CCDC192: variants seen among roughly 807,000 people sequenced by gnomAD.
The protein encoded by CCDC192 is coiled-coil domain containing 192, also known as coiled-coil domain-containing protein 192.
Position 127,801,106 on chromosome 5 carries a change from G to A in CCDC192, c.411+2944G>A, listed in dbSNP as rs984335885. The stretch of plus-strand genomic sequence containing the variant: ...GCAGAAAACCAAACAGAGCAAAAGT[G>A]TAACACTCACAGGGTGAGTGTGATC... On this transcript the variant is annotated intron_variant, in intron 5 of 6. Transcript: ENST00000514853. 4.6e-5 allele frequency among the ~76,000 whole-genome samples: 7 copies of A among 152,096 alleles called. 1 individual carries two copies. The highest frequency in any genetic ancestry group is 1.4e-4 in the African/African-American group (6 of 41,416).
chr5:127,704,871 AAATAAATAAATAAATC>A (rs1450747379), intron 1 of CCDC192, among the ~76,000 whole-genome samples: 16 of 118,198 alleles, frequency 1.4e-4, no homozygotes, highest in South Asian at 5.4e-4. Context: ...ATAAATAAAT[AAATAAATAAATAAATC>A]ATTTATTCAC....
chr5:127,890,081 G>A (rs988458670), intron 6 of CCDC192, among the ~76,000 whole-genome samples: 7 of 152,000 alleles, frequency 4.6e-5, no homozygotes, highest in Non-Finnish European at 5.9e-5. Flanking sequence ...TCACAGATGC[G>A]AAGATCTCTT....
chr5:127,848,173 T>C (rs1750647190), intron 5 of CCDC192, among the ~76,000 whole-genome samples: 7 of 152,154 alleles, frequency 4.6e-5, no homozygotes, highest in Admixed American at 4.6e-4. Context: ...GGTTCTCTCT[T>C]ATGGTTGCAG....
At chr5:127,735,352 C>G (rs1752911479) in intron 2 of CCDC192, among the ~76,000 whole-genome samples, 1 of 147,394 alleles carries the variant, frequency 6.8e-6, no homozygotes, top group Admixed American at 6.7e-5. Context: ...AGTTTGAAGT[C>G]AGGTAGTGTG....
chr5:127,883,665 C>A (rs1480044778), intron 6 of CCDC192, among the ~76,000 whole-genome samples: 1 of 152,196 alleles, frequency 6.6e-6, no homozygotes, highest in Non-Finnish European at 1.5e-5. Context: ...AGATTTATTG[C>A]ACAGAAGATC....
intron 2 of CCDC192, among the ~76,000 whole-genome samples, chr5:127,728,065 T>C (rs558298456): frequency 6.6e-6 from 1 of 152,160 alleles, no homozygotes; most frequent in African/African-American, 2.4e-5. Context: ...AACCTACAAC[T>C]GATTGGGGTA....
At chr5:127,794,063 G>A (rs1407832882) in intron 3 of CCDC192, among the ~76,000 whole-genome samples, 2 of 152,118 alleles carry the variant, frequency 1.3e-5, no homozygotes, top group African/African-American at 2.4e-5. Flanking sequence ...AGTAGCATTC[G>A]CGTCTGGTCG....
chr5:127,834,740 T>C (rs1045500925), intron 5 of CCDC192, among the ~76,000 whole-genome samples: 1 of 152,222 alleles, frequency 6.6e-6, no homozygotes, highest in African/African-American at 2.4e-5. Context: ...AGCTGCTAAT[T>C]GTTAAACTCT....
chr5:127,892,320 T>C (rs1752754844), intron 6 of CCDC192, among the ~76,000 whole-genome samples: 1 of 152,210 alleles, frequency 6.6e-6, no homozygotes. Flanking sequence ...TAAGGTGCTG[T>C]TGTTTGTTGT....
intron 6 of CCDC192, among the ~76,000 whole-genome samples, chr5:127,893,115 C>T (rs966399289): frequency 2.6e-5 from 4 of 152,148 alleles, no homozygotes; most frequent in African/African-American, 9.7e-5. Flanking sequence ...CAGACCTTAG[C>T]GATAATCTTG....
At chr5:127,729,258 G>T (rs1002926885) in intron 2 of CCDC192, among the ~76,000 whole-genome samples, 3 of 152,134 alleles carry the variant, frequency 2.0e-5, no homozygotes, top group African/African-American at 7.2e-5. Context: ...GATCAAAAAA[G>T]ACAAAGAAGG....
intron 2 of CCDC192, among the ~76,000 whole-genome samples, chr5:127,726,897 C>A (rs1752355195): frequency 6.6e-6 from 1 of 152,176 alleles, no homozygotes; most frequent in Non-Finnish European, 1.5e-5. Flanking sequence ...CAAGGGGCCA[C>A]CAGAGTGCTT....
intron 2 of CCDC192, among the ~76,000 whole-genome samples, chr5:127,726,153 A>G (rs1752310333): frequency 6.6e-6 from 1 of 152,130 alleles, no homozygotes; most frequent in African/African-American, 2.4e-5. Flanking sequence ...GCAAGATAGA[A>G]TAAATTTTAT....
chr5:127,800,399 A>AAAAAAAAAAAAAAAAAAAAAAG (rs1561495809), intron 5 of CCDC192, among the ~76,000 whole-genome samples: 1 of 109,252 alleles, frequency 9.2e-6, no homozygotes, highest in African/African-American at 3.5e-5. Flanking sequence ...AAAAAAAAAA[A>AAAAAAAAAAAAAAAAAAAAAAG]AACAACAACA....
At chr5:127,893,344 A>G (rs1752784985) in intron 6 of CCDC192, among the ~76,000 whole-genome samples, 1 of 152,200 alleles carries the variant, frequency 6.6e-6, no homozygotes. Context: ...GCTACTTTGC[A>G]AGGTGGTTGT....
At chr5:127,866,922 A>G (rs1472892095) in intron 5 of CCDC192, among the ~76,000 whole-genome samples, 1 of 152,050 alleles carries the variant, frequency 6.6e-6, no homozygotes, top group African/African-American at 2.4e-5. Flanking sequence ...GTGTGAAGCT[A>G]TTTCATGCTG....
At chr5:127,909,254 T>C (rs1753280208) in intron 6 of CCDC192, among the ~76,000 whole-genome samples, 1 of 152,088 alleles carries the variant, frequency 6.6e-6, no homozygotes, top group South Asian at 2.1e-4. Context: ...TGAGGACTTT[T>C]CAAGGCCCTT....
At chr5:127,888,381 A>G (rs1304478707) in intron 6 of CCDC192, among the ~76,000 whole-genome samples, 1 of 151,958 alleles carries the variant, frequency 6.6e-6, no homozygotes, top group East Asian at 1.9e-4. Context: ...GCGCCACTGC[A>G]CTCCAGCCTT....
intron 3 of CCDC192, among the ~76,000 whole-genome samples, chr5:127,769,841 G>C (rs978379196): frequency 3.3e-5 from 5 of 152,164 alleles, no homozygotes; most frequent in African/African-American, 1.2e-4. Flanking sequence ...CAGATTAGAA[G>C]AGTGGTTGGG....
Sources: gnomAD v4.1 joint callset for allele counts (sites outside exome capture counted in the v4.1 genomes callset) on GRCh38, gnomAD v4.1.1 for gene constraint, MANE v1.5 for transcripts, NCBI Gene and HGNC (gene_info 2026-07-23, HGNC 2026-07-21) for gene names.